The following ACADVL variants were observed in gnomAD, a reference collection of about 807,000 sequenced individuals.
ACADVL encodes the protein acyl-CoA dehydrogenase very long chain, also known as very long-chain acyl-CoA dehydrogenase, mitochondrial.
Under a neutral mutation model 80.4 loss-of-function variants are expected in ACADVL, and 73 were observed. The ratio of observed to expected loss-of-function variants is 0.91; its 90% CI spans 0.75 to 1.10. ACADVL has a LOEUF of 1.10. Ranked by LOEUF, ACADVL falls within the 50% of genes least tolerant of loss-of-function variation. ACADVL has a pLI of 0.00. For missense variants in ACADVL, 878 were observed against 858.9 expected, an observed-to-expected ratio of 1.02 and a Z score of -0.28; for synonymous variants, 392 against 326.5, an observed-to-expected ratio of 1.20 and a Z score of -2.16.
upstream of ACADVL, chr17:7,218,289 A>T: frequency 6.2e-7 from 1 of 1,607,972 alleles, no homozygotes; most frequent in East Asian, 2.2e-5. Context: ...TGTCTGTCAC[A>T]GGAACAGAAC....
chr17:7,217,203 G>C, upstream of ACADVL: 1 of 1,263,650 alleles, frequency 7.9e-7, no homozygotes, highest in Non-Finnish European at 1.0e-6. Flanking sequence ...TCGGAGTTTC[G>C]TTCCTCCCCT....
At position 7,220,803 on chromosome 17, in the gene ACADVL, G is replaced by A. The variant is rs754620326; in HGVS notation, c.315G>A (p.Leu105=). The change falls in exon 5 of 20, where the codon CTG becomes CTA. Residue 105 remains leucine, a synonymous_variant. Coordinates refer to ENST00000356839, the MANE Select transcript of ACADVL (RefSeq NM_000018.4). ...AGCAGACACAGTTTCTTAAAGAGCTGGTGGAGCCTGTGTCCCGTTTCTTCG... is the reference window on the plus strand; with the variant it reads ...AGCAGACACAGTTTCTTAAAGAGCTAGTGGAGCCTGTGTCCCGTTTCTTCG... ...NEEQTQFLKE[L]VEPVSRFFEE... 12 of 1,614,130 alleles carry A rather than the reference G, an allele frequency of 7.4e-6. No individual in the cohort carries two copies. The highest frequency in any genetic ancestry group is 1.0e-5 in the Non-Finnish European group (12 of 1,180,042).
chr17:7,222,636 AC>A, intron 9 of ACADVL, 30 bp from the exon 10 acceptor site: 1 of 1,590,458 alleles, frequency 6.3e-7, no homozygotes, highest in Admixed American at 1.7e-5. Context: ...TGTTGAACAC[AC>A]CTCTGCTTTC....
upstream of ACADVL, chr17:7,219,742 T>G: frequency 6.9e-7 from 1 of 1,447,594 alleles, no homozygotes; most frequent in Non-Finnish European, 9.1e-7. Context: ...AGACTCTAGG[T>G]CGGACGGGCG....
rs368366316 is a variant in ACADVL at position 7,223,120 on chromosome 17, G to C, written c.1078-13G>C. ...ACACTGAACCACAGCGGGATGTGTG[G>C]ACCCTCTTCCAGGTAGATCATGCCA... is the stretch of plus-strand genomic sequence containing the variant. On this transcript the variant is annotated splice_polypyrimidine_tract_variant and intron_variant, in intron 10 of 19. Transcript: ENST00000356839. 11 of 1,605,202 alleles carry C rather than the reference G, an allele frequency of 6.9e-6. No individual in the cohort carries two copies. The African/African-American group carries it at 1.5e-4, about 21-fold the overall frequency.
chr17:7,224,513 G>T lies in ACADVL; in HGVS notation c.1639G>T (p.Val547Leu). 1.2e-6 allele frequency: 2 copies of T among 1,613,528 alleles called. No individual in the cohort carries two copies. The highest frequency in any genetic ancestry group is 1.7e-6 in the Non-Finnish European group (2 of 1,180,012). ...VRALEQFATV[V>L]EAKLIKHKKG... Reference sequence around the variant, plus strand: ...GGCTCTGGAGCAGTTTGCCACTGTGGTGGAGGCCAAGCTGATAAAACACAA... The same window carrying T: ...GGCTCTGGAGCAGTTTGCCACTGTGTTGGAGGCCAAGCTGATAAAACACAA... The change falls in exon 17 of 20, where the codon GTG becomes TTG. Residue 547 changes from valine (V) to leucine (L), a missense_variant. Physicochemically the swap from Val to Leu is conservative, Grantham distance 32 (BLOSUM62 1). Coordinates refer to ENST00000356839, the MANE Select transcript of ACADVL (RefSeq NM_000018.4).
chr17:7,219,882 C>T, upstream of ACADVL: 2 of 1,542,272 alleles, frequency 1.3e-6, no homozygotes, highest in Admixed American at 2.0e-5. Context: ...CCGCCCGGTG[C>T]ACTGTGGACG....
intron 11 of ACADVL, 143 bp downstream of exon 11, chr17:7,223,380 C>T (rs764286375): frequency 1.1e-6 from 1 of 892,860 alleles, no homozygotes; most frequent in South Asian, 1.4e-5. Context: ...GCATAGTCAG[C>T]TCAGCTTCTG....
chr17:7,221,530 C>T lies in ACADVL; in HGVS notation c.478-8C>T, dbSNP rs1300294861. ...AGTGACAACCCCAGATTCCTGCTTC[C>T]CCTCCAGTACGCCCGTTTGGTGGAG... On this transcript the variant is annotated splice_region_variant and splice_polypyrimidine_tract_variant and intron_variant, in intron 6 of 19. Transcript: ENST00000356839. 1 of 1,614,130 alleles carries T rather than the reference C, an allele frequency of 6.2e-7. No homozygotes were observed. Among genetic ancestry groups the T allele is most frequent in the East Asian group, 2.2e-5 (1 of 44,874 alleles).
chr17:7,220,472 G>A lies in ACADVL; in HGVS notation c.147G>A (p.Leu49=). 2 of 1,614,220 alleles carry A rather than the reference G, an allele frequency of 1.2e-6. No individual in the cohort carries two copies. Among genetic ancestry groups the A allele is most frequent in the Non-Finnish European group, 1.7e-6 (2 of 1,180,054 alleles). Residue 49 remains leucine (L), a synonymous_variant, in exon 3 of 20, where the codon CTG becomes CTA. Transcript: ENST00000356839. ...ACCGTCTCTTTTCCCAGCTGGCTCTGGACAAGTCAGATTCCCACCCCTCTG... is the reference window on the plus strand; with the variant it reads ...ACCGTCTCTTTTCCCAGCTGGCTCTAGACAAGTCAGATTCCCACCCCTCTG... The part of the protein sequence containing the change: ...PYAGGAAQLA[L]DKSDSHPSDA...
At chr17:7,218,562 C>T (rs756716538), upstream of ACADVL, 13 of 1,562,980 alleles carry the variant, frequency 8.3e-6, no homozygotes, top group South Asian at 4.7e-5. Flanking sequence ...TGGAAGAGGT[C>T]GCTATGCAGC....
At chr17:7,219,564 T>C (rs2071084867), upstream of ACADVL, 2 of 1,114,374 alleles carry the variant, frequency 1.8e-6, no homozygotes, top group South Asian at 4.5e-5. Context: ...AGTCTGTCTT[T>C]CCATGTCTCT....
At chr17:7,219,930 A>AGGACGCGGGCGTGCC, upstream of ACADVL, 1 of 1,575,004 alleles carries the variant, frequency 6.3e-7, no homozygotes. Context: ...GTGGGCGTGC[A>AGGACGCGGGCGTGCC]GGACGCCAGA....
rs1597518019 is a variant in ACADVL, at chr17:7,220,463, G to T, written c.139-1G>T. Reference sequence around the variant, plus strand: ...AACTTGCTAACCGTCTCTTTTCCCAGCTGGCTCTGGACAAGTCAGATTCCC... The same window carrying T: ...AACTTGCTAACCGTCTCTTTTCCCATCTGGCTCTGGACAAGTCAGATTCCC... On this transcript the variant is annotated splice_acceptor_variant, in intron 2 of 19. Coordinates refer to ENST00000356839, the MANE Select transcript of ACADVL (RefSeq NM_000018.4). LOFTEE classifies it high-confidence loss of function. 1 of 1,614,220 alleles carries T rather than the reference G, an allele frequency of 6.2e-7. No individual in the cohort carries two copies. Among genetic ancestry groups the T allele is most frequent in the Non-Finnish European group, 8.5e-7 (1 of 1,180,036 alleles).
At position 7,222,794 on chromosome 17, in the gene ACADVL, A is replaced by G. The variant is rs146369181; in HGVS notation, c.1006A>G (p.Ile336Val). Residue 336 changes from isoleucine (I) to valine (V), a missense_variant, in exon 10 of 20, where the codon ATC becomes GTC. Physicochemically the swap from Ile to Val is conservative, Grantham distance 29 (BLOSUM62 3). Coordinates refer to ENST00000356839, the MANE Select transcript of ACADVL (RefSeq NM_000018.4). ...VGSGFKVAMHILNNGRFGMAA... is the reference protein window; with the variant it reads ...VGSGFKVAMHVLNNGRFGMAA... The stretch of plus-strand genomic sequence containing the variant: ...GAGTGGCTTCAAGGTTGCCATGCAC[A>G]TCCTCAACAATGGAAGGTTTGGCAT... 1 of 1,613,894 alleles carries G rather than the reference A, an allele frequency of 6.2e-7. No individual in the cohort carries two copies. Among genetic ancestry groups the G allele is most frequent in the African/African-American group, 1.3e-5 (1 of 74,898 alleles).
intron 2 of ACADVL, 44 bp downstream of exon 2, chr17:7,220,241 C>A: frequency 6.6e-7 from 1 of 1,515,832 alleles, no homozygotes; most frequent in South Asian, 1.2e-5. Flanking sequence ...GAGCGGCGGT[C>A]CGCTTCGGCG....
chr17:7,220,207 C>G lies in ACADVL; in HGVS notation c.138+10C>G, dbSNP rs1057523013. 6 of 1,530,996 alleles carry G rather than the reference C, an allele frequency of 3.9e-6. No homozygotes were observed. The highest frequency in any genetic ancestry group is 2.0e-5 in the Admixed American group (1 of 50,692). 94.8% of individuals were successfully genotyped at this position (1,530,996 alleles called of 1,614,324 possible). ...CGGGGGTGCCGCTCAGGTAAGTCACCGCAGCCTTGGCAAGGGGGTGTGGGA... is the reference window on the plus strand; with the variant it reads ...CGGGGGTGCCGCTCAGGTAAGTCACGGCAGCCTTGGCAAGGGGGTGTGGGA... On this transcript the variant is annotated intron_variant, in intron 2 of 19. Transcript: ENST00000356839.
chr17:7,218,353 G>A (rs377212765), upstream of ACADVL: 1,709 of 1,516,810 alleles, frequency 1.1e-3, 1 homozygote, highest in Non-Finnish European at 1.4e-3. Context: ...TGTCATCACC[G>A]CTGCTGGCTG....
chr17:7,223,214 G>A lies in ACADVL; in HGVS notation c.1159G>A (p.Val387Ile), dbSNP rs1422904205. Residue 387 changes from valine to isoleucine, a missense_variant, in exon 11 of 20, where the codon GTT becomes ATT. By Grantham distance (29) the Val-to-Ile change is conservative. Coordinates refer to ENST00000356839, the MANE Select transcript of ACADVL (RefSeq NM_000018.4). ...GATCCAGGAGAAGCTGGCACGGATG[G>A]TTATGCTGCAGTATGTAACTGAGGT... ...GLIQEKLARM[V>I]MLQYVTESMA... 1.9e-6 allele frequency: 3 copies of A among 1,613,832 alleles called. No individual in the cohort carries two copies. The highest frequency in any genetic ancestry group is 2.5e-6 in the Non-Finnish European group (3 of 1,179,876).
Sources: allele counts gnomAD v4.1 joint callset, GRCh38; gene constraint gnomAD v4.1.1; transcripts MANE v1.5; gene names NCBI Gene and HGNC (gene_info 2026-07-23, HGNC 2026-07-21).